ANK2: variants seen among roughly 807,000 people sequenced by gnomAD.
The protein encoded by ANK2 is ankyrin-2.
A neutral mutation model predicts 360.5 loss-of-function variants in ANK2; 83 were observed. The ratio of observed to expected loss-of-function variants is 0.23; its 90% CI spans 0.19 to 0.28. The LOEUF is 0.28. Ranked by LOEUF, ANK2 falls within the 10% of genes least tolerant of loss-of-function variation. The probability of loss-of-function intolerance (pLI) is 1.00; values close to 1 mark genes in which losing one functional copy is unlikely to be tolerated. For missense variants in ANK2, 4,201 were observed against 4,795.7 expected (o/e 0.88, Z 3.66); for synonymous variants, 1,740 against 1,759.5 (o/e 0.99, Z 0.28).
chr4:113,074,452 G>A (rs1446807814), intron 1 of ANK2, among the ~76,000 whole-genome samples: 1 of 152,146 alleles, frequency 6.6e-6, no homozygotes, highest in African/African-American at 2.4e-5. Flanking sequence ...TGCATAATAT[G>A]TAATTAGATT....
chr4:113,359,341 T>C (rs759703650), intron 38 of ANK2, 42 bp downstream of exon 38: 1 of 1,609,138 alleles, frequency 6.2e-7, no homozygotes, highest in South Asian at 1.1e-5. Context: ...ACGCATGTCA[T>C]AAAATTGATA....
rs1057191373 is a variant in ANK2, at chr4:113,208,490, ATTTG to A, written c.384+9389_384+9392del. Reference sequence around the variant, plus strand: ...TATAAAACAGTGCATAAAGACAAAGATTTGTTTGTTTATTTTATTTTATTTTTTT... The same window carrying A: ...TATAAAACAGTGCATAAAGACAAAGATTTGTTTATTTTATTTTATTTTTTT... On this transcript the variant is annotated intron_variant, in intron 4 of 45. Transcript: ENST00000357077. Among the ~76,000 whole-genome samples, 48 of 151,796 alleles carry A rather than the reference ATTTG, an allele frequency of 3.2e-4. 2 individuals are homozygous for A. Among genetic ancestry groups the A allele is most frequent in the Admixed American group, 2.4e-3 (37 of 15,254 alleles).
At chr4:113,070,243 C>A (rs1004916299) in intron 1 of ANK2, 4 of 151,914 alleles carry the variant, frequency 2.6e-5, no homozygotes, top group African/African-American at 9.7e-5. Flanking sequence ...GGTATATTTT[C>A]CCTTCTTCTA....
chr4:113,049,865 G>A (rs1304355688), intron 1 of ANK2, 53 bp downstream of exon 1: 2 of 1,589,086 alleles, frequency 1.3e-6, no homozygotes, highest in Non-Finnish European at 8.6e-7. Context: ...GTGTGTGCAT[G>A]TGTGAGTGTG....
upstream of ANK2, among the ~76,000 whole-genome samples, chr4:113,046,612 C>T (rs952923916): frequency 1.3e-5 from 2 of 152,082 alleles, no homozygotes; most frequent in Non-Finnish European, 2.9e-5. Context: ...AGAGACCTGG[C>T]CCTCACCAGA....
intron 1 of ANK2, among the ~76,000 whole-genome samples, chr4:113,114,159 C>T (rs916445315): frequency 6.6e-6 from 1 of 152,026 alleles, no homozygotes; most frequent in African/African-American, 2.4e-5. Context: ...ATAGTAAGAG[C>T]CCTCAATGAG....
At chr4:112,851,858 G>A (rs1197151822) in intron 1 of ANK2, among the ~76,000 whole-genome samples, 2 of 152,148 alleles carry the variant, frequency 1.3e-5, no homozygotes, top group East Asian at 1.9e-4. Flanking sequence ...TGCTGACCTC[G>A]TGATCCACCT....
In ANK2 at chr4:113,165,066, G is replaced by A. The variant is rs145518290; in HGVS notation, c.85-9350G>A. On this transcript the variant is annotated intron_variant, in intron 1 of 45. Transcript: ENST00000357077. ...AAAGGAAATTCCTTTGGATATTTGTGTACAATATGTAAAAACTCTGTCAGC... is the reference window on the plus strand; with the variant it reads ...AAAGGAAATTCCTTTGGATATTTGTATACAATATGTAAAAACTCTGTCAGC... Among the ~76,000 whole-genome samples the A allele has an allele frequency of 6.2e-3, 945 of 152,110 alleles. 13 individuals carry two copies. The highest frequency in any genetic ancestry group is 0.021 in the African/African-American group (882 of 41,500).
intron 6 of ANK2, 40 bp from the exon 7 acceptor site, chr4:113,237,559 G>A (rs1277483560): frequency 6.3e-7 from 1 of 1,583,492 alleles, no homozygotes; most frequent in Admixed American, 1.7e-5. Context: ...TTTGCATTGT[G>A]TAATATCTTC....
In ANK2 at chr4:112,941,261, T is replaced by A. The variant is rs565998055; in HGVS notation, c.21+36747T>A. Among the ~76,000 whole-genome samples the A allele has an allele frequency of 3.4e-3, 499 of 148,754 alleles. 3 individuals carry two copies. The highest frequency in any genetic ancestry group is 0.012 in the African/African-American group (476 of 40,912). ...GATTTATATATCTTTTCATAAAAGA[T>A]ACAGAAAAGATATATAGGTATATAT... is the stretch of plus-strand genomic sequence containing the variant. On this transcript the variant is annotated intron_variant, in intron 2 of 30. Coordinates refer to the ANK2 transcript ENST00000503271.
intron 4 of ANK2, among the ~76,000 whole-genome samples, chr4:113,231,765 G>A (rs529919170): frequency 4.2e-4 from 64 of 152,030 alleles, no homozygotes; most frequent in Non-Finnish European, 7.1e-4. Flanking sequence ...CACCACGCCC[G>A]GCTAATTTTT....
the ANK2 span, among the ~76,000 whole-genome samples, chr4:112,729,956 T>C: frequency 1.3e-5 from 2 of 151,738 alleles, no homozygotes; most frequent in Admixed American, 6.6e-5. Context: ...GTCAAAAACA[T>C]AGAAGCAAAG....
chr4:113,340,092 G>C (rs1402676242), intron 32 of ANK2, among the ~76,000 whole-genome samples: 1 of 152,194 alleles, frequency 6.6e-6, no homozygotes, highest in Non-Finnish European at 1.5e-5. Flanking sequence ...CCACCCAGAG[G>C]CTCAACTATT....
chr4:112,785,931 G>A, the ANK2 span, among the ~76,000 whole-genome samples: 24 of 151,534 alleles, frequency 1.6e-4, no homozygotes, highest in African/African-American at 2.4e-4. Context: ...GCCTCTGCCC[G>A]CTGGGTTCCA....
In ANK2 at chr4:113,327,658, A is replaced by G. The variant is rs956068463; in HGVS notation, c.2901-2588A>G. Among the ~76,000 whole-genome samples the G allele has an allele frequency of 5.3e-5, 8 of 152,314 alleles. 1 individual carries two copies. Among genetic ancestry groups the G allele is most frequent in the African/African-American group, 1.7e-4 (7 of 41,574 alleles). ...TGTTCACTGTTATTATGGCACTTTTATGGCTCCTATGTGTGGACTTAGTCA... is the reference window on the plus strand; with the variant it reads ...TGTTCACTGTTATTATGGCACTTTTGTGGCTCCTATGTGTGGACTTAGTCA... On this transcript the variant is annotated intron_variant, in intron 26 of 45. Coordinates refer to ENST00000357077, the MANE Select transcript of ANK2 (RefSeq NM_001148.6).
At chr4:112,781,624 T>A in the ANK2 span, among the ~76,000 whole-genome samples, 1 of 152,030 alleles carries the variant, frequency 6.6e-6, no homozygotes, top group Non-Finnish European at 1.5e-5. Context: ...TTAAAAATCA[T>A]AAAAAACACA....
chr4:113,377,977 T>G, intron 45 of ANK2: 1 of 319,694 alleles, frequency 3.1e-6, no homozygotes, highest in Non-Finnish European at 5.3e-6. Context: ...TTGTATTTAT[T>G]TATCGTTTCA....
At chr4:112,715,224 A>G in the ANK2 span, among the ~76,000 whole-genome samples, 1 of 146,956 alleles carries the variant, frequency 6.8e-6, no homozygotes, top group Non-Finnish European at 1.5e-5. Flanking sequence ...TTCCAACAGT[A>G]AAAGTCCCAA....
At chr4:112,760,834 T>C in the ANK2 span, among the ~76,000 whole-genome samples, 3 of 147,370 alleles carry the variant, frequency 2.0e-5, no homozygotes, top group South Asian at 6.4e-4. Context: ...TGAGATGGAG[T>C]CTTGCTCTGT....
Sources: allele counts gnomAD v4.1 joint callset (sites outside exome capture counted in the v4.1 genomes callset), GRCh38; gene constraint gnomAD v4.1.1; transcripts MANE v1.5; gene names NCBI Gene and HGNC (gene_info 2026-07-23, HGNC 2026-07-21).